BRCA2: variants seen among roughly 807,000 people sequenced by gnomAD.
The protein encoded by BRCA2 is BRCA2 DNA repair associated.
Under a neutral mutation model 276.7 loss-of-function variants are expected in BRCA2, and 203 were observed. The ratio of observed to expected loss-of-function variants is 0.73; its 90% CI spans 0.65 to 0.82. BRCA2 has a LOEUF of 0.82. BRCA2 is among the 40% of genes least tolerant of loss of function. The pLI is 0.00. For missense variants in BRCA2, 3,920 were observed against 3,915.0 expected (o/e 1.00, Z -0.03); for synonymous variants, 1,289 against 1,338.4 (o/e 0.96, Z 0.81).
Position 32,340,960 on chromosome 13 carries a change from A to T in BRCA2, c.6605A>T (p.Asp2202Val), listed in dbSNP as rs2137528989. 6.2e-7 allele frequency: 1 copy of T among 1,609,034 alleles called. No individual in the cohort carries two copies. The highest frequency in any genetic ancestry group is 8.5e-7 in the Non-Finnish European group (1 of 1,178,790). Residue 2202 changes from aspartate to valine, a missense_variant, in exon 11 of 27, where the codon GAT becomes GTT. Physicochemically the swap from Asp to Val is radical, Grantham distance 152. Coordinates refer to ENST00000380152, the MANE Select transcript of BRCA2 (RefSeq NM_000059.4). ...MEIGKTETFS[D>V]VPVKTNIEVC... ...ATTGGTAAAACTGAAACTTTTTCTGATGTTCCTGTGAAAACAAATATAGAA... is the reference window on the plus strand; with the variant it reads ...ATTGGTAAAACTGAAACTTTTTCTGTTGTTCCTGTGAAAACAAATATAGAA...
rs794727014 is a variant in BRCA2 at position 32,340,077 on chromosome 13, CTAGAT to C, written c.5723_5727del (p.Leu1908GlnfsTer2). ...TTCAGAGGATATTCTTCATAACTCT[CTAGAT>C]AATGATGAATGTAGCACGCATTCAC... On this transcript the variant is annotated frameshift_variant, in exon 11 of 27. Coordinates refer to ENST00000380152, the MANE Select transcript of BRCA2 (RefSeq NM_000059.4). LOFTEE classifies it high-confidence loss of function. The C allele has an allele frequency of 6.2e-7, 1 of 1,613,806 alleles. No individual in the cohort carries two copies.
intron 18 of BRCA2, 144 bp from the exon 19 acceptor site, chr13:32,370,258 T>C (rs1185072243): frequency 5.5e-6 from 4 of 732,100 alleles, no homozygotes; most frequent in East Asian, 2.7e-5. Context: ...TTTTTACTTA[T>C]TTACTGTCTT....
chr13:32,397,110 G>C (rs2137660246), intron 26 of BRCA2, 66 bp downstream of exon 26: 1 of 1,500,316 alleles, frequency 6.7e-7, no homozygotes, highest in Non-Finnish European at 9.2e-7. Context: ...ATATTCTGTT[G>C]TATACCTAGT....
At chr13:32,348,529 G>A (rs533917487) in intron 13 of BRCA2, among the ~76,000 whole-genome samples, 1 of 152,240 alleles carries the variant, frequency 6.6e-6, no homozygotes, top group South Asian at 2.1e-4. Flanking sequence ...GAAGACTGTA[G>A]ATCTTATATA....
chr13:32,339,893 A>G lies in BRCA2; in HGVS notation c.5538A>G (p.Ile1846Met), dbSNP rs878853590. Residue 1846 changes from isoleucine to methionine, a missense_variant, in exon 11 of 27, where the codon ATA (isoleucine) becomes ATG (methionine). Ile to Met is a conservative substitution (Grantham distance 10). Around this residue, in one of 2 missense-constraint regions of BRCA2, gnomAD observed 3,263 missense variants for 3,156.9 expected, o/e 1.03. Transcript: ENST00000380152. ...AGGTAGGGCCACCTGCATTTAGGATAGCCAGTGGTAAAATCGTTTGTGTTT... is the reference window on the plus strand; with the variant it reads ...AGGTAGGGCCACCTGCATTTAGGATGGCCAGTGGTAAAATCGTTTGTGTTT... ...NFEVGPPAFR[I>M]ASGKIVCVSH... 2 of 1,610,216 alleles carry G rather than the reference A, an allele frequency of 1.2e-6. No individual in the cohort carries two copies. Among genetic ancestry groups the G allele is most frequent in the Non-Finnish European group, 1.7e-6 (2 of 1,177,834 alleles).
intron 26 of BRCA2, among the ~76,000 whole-genome samples, chr13:32,397,823 C>T (rs2073046470): frequency 1.3e-5 from 2 of 152,144 alleles, no homozygotes; most frequent in Admixed American, 1.3e-4. Context: ...TGTGTGTTCT[C>T]AAGATGGCTT....
rs1057522181 is a variant in BRCA2, at chr13:32,330,910, T to C, written c.682-9T>C. On this transcript the variant is annotated splice_polypyrimidine_tract_variant and intron_variant, in intron 8 of 26. Transcript: ENST00000380152. ...TTATACTAGTGATTTTAAACTATAA[T>C]TTTTGCAGAATGTGAAAAGCTATTT... 2 of 1,541,554 alleles carry C rather than the reference T, an allele frequency of 1.3e-6. No homozygotes were observed. Among genetic ancestry groups the C allele is most frequent in the Non-Finnish European group, 1.8e-6 (2 of 1,115,172 alleles).
At position 32,398,616 on chromosome 13, in the gene BRCA2, C is replaced by T. The variant is rs2137666631; in HGVS notation, c.10103C>T (p.Ser3368Phe). The T allele has an allele frequency of 6.2e-7, 1 of 1,613,928 alleles. No individual in the cohort carries two copies. Among genetic ancestry groups the T allele is most frequent in the Non-Finnish European group, 8.5e-7 (1 of 1,179,808 alleles). The change falls in exon 27 of 27, where the codon TCC becomes TTC. Residue 3368 changes from serine (S) to phenylalanine (F), a missense_variant. Transcript: ENST00000380152. ...GEKQFISVSE[S>F]TRTAPTSSED... ...AAACAATTTATATCTGTCAGTGAATCCACTAGGACTGCTCCCACCAGTTCA... is the reference window on the plus strand; with the variant it reads ...AAACAATTTATATCTGTCAGTGAATTCACTAGGACTGCTCCCACCAGTTCA...
chr13:32,315,545 G>T lies in BRCA2; in HGVS notation c.-162G>T, dbSNP rs567110692. The T allele has an allele frequency of 1.3e-5, 2 of 152,330 alleles. No homozygotes were observed. The highest frequency in any genetic ancestry group is 2.9e-5 in the Non-Finnish European group (2 of 68,094). The allele number at this position is 152,330 out of a possible 1,614,324, so 9.4% of individuals were successfully genotyped here. A position where few individuals can be genotyped will look rare whatever the true frequency, so the allele number is the denominator to read the frequency against. ...GCTGTGGCACTGCTGCGCCTCTGCT[G>T]CGCCTCGGGTGTCTTTTGCGGCGGT... On this transcript the variant is annotated 5_prime_UTR_variant, in exon 1 of 27. Transcript: ENST00000380152.
rs2137556981 is a variant in BRCA2 at position 32,355,070 on chromosome 13, TTG to T, written c.7219_7220del (p.Val2407SerfsTer4). ...ACTACAGGCAGACCAACCAAAGTCTTTGTTCCACCTTTTAAAACTAAATCACA... is the reference window on the plus strand; with the variant it reads ...ACTACAGGCAGACCAACCAAAGTCTTTTCCACCTTTTAAAACTAAATCACA... On this transcript the variant is annotated frameshift_variant, in exon 14 of 27. Coordinates refer to ENST00000380152, the MANE Select transcript of BRCA2 (RefSeq NM_000059.4). LOFTEE classifies it high-confidence loss of function. 6.2e-7 allele frequency: 1 copy of T among 1,614,006 alleles called. No homozygotes were observed.
rs41293469 is a variant in BRCA2, at chr13:32,326,502, C to T, written c.520C>T (p.Arg174Cys). Residue 174 changes from arginine to cysteine, a missense_variant, in exon 7 of 27, where the codon CGT becomes TGT. This residue lies in a region of BRCA2 where 3,263 missense variants were observed against 3,156.9 expected (regional missense o/e 1.03). Coordinates refer to ENST00000380152, the MANE Select transcript of BRCA2 (RefSeq NM_000059.4). The stretch of plus-strand genomic sequence containing the variant: ...AAACTATTTTCTTTCCTCCCAGGGT[C>T]GTCAGACACCAAAACATATTTCTGA... ...LFHTPKFVKG[R>C]QTPKHISESL... 5 of 1,606,008 alleles carry T rather than the reference C, an allele frequency of 3.1e-6. No homozygotes were observed. Among genetic ancestry groups the T allele is most frequent in the Non-Finnish European group, 4.3e-6 (5 of 1,172,656 alleles).
At position 32,379,778 on chromosome 13, in the gene BRCA2, A is replaced by T. The variant is rs1060504623; in HGVS notation, c.8982A>T (p.Ser2994=). The part of the protein sequence containing the change: ...SVILSIWRPS[S]DLYSLLTEGK... ...TACTGAGTATTTGGCGTCCATCATC[A>T]GATTTATATTCTCTGTTAACAGAAG... Residue 2994 remains serine, a synonymous_variant, in exon 23 of 27, where the codon TCA becomes TCT. Coordinates refer to ENST00000380152, the MANE Select transcript of BRCA2 (RefSeq NM_000059.4). 1 of 1,612,748 alleles carries T rather than the reference A, an allele frequency of 6.2e-7. No homozygotes were observed. The highest frequency in any genetic ancestry group is 1.7e-5 in the Admixed American group (1 of 60,012).
At chr13:32,344,297 C>T (rs1332027560) in intron 11 of BRCA2, among the ~76,000 whole-genome samples, 1 of 151,950 alleles carries the variant, frequency 6.6e-6, no homozygotes, top group Non-Finnish European at 1.5e-5. Context: ...CTGGTAGCAT[C>T]TGTTTATCCT....
intron 4 of BRCA2, among the ~76,000 whole-genome samples, chr13:32,325,871 C>T (rs1232563009): frequency 6.6e-6 from 1 of 152,144 alleles, no homozygotes; most frequent in African/African-American, 2.4e-5. Context: ...TTAAAATACA[C>T]GGTTTCCAGC....
rs1259849119 is a variant in BRCA2 at position 32,315,524 on chromosome 13, T to C, written c.-183T>C. The C allele has an allele frequency of 6.6e-6, 1 of 152,264 alleles. No individual in the cohort carries two copies. The highest frequency in any genetic ancestry group is 2.4e-5 in the African/African-American group (1 of 41,454). 9.4% of individuals were successfully genotyped at this position (152,264 alleles called of 1,614,324 possible). Reference sequence around the variant, plus strand: ...CTAGGCGGCAGAGGCGGAGCCGCTGTGGCACTGCTGCGCCTCTGCTGCGCC... The same window carrying C: ...CTAGGCGGCAGAGGCGGAGCCGCTGCGGCACTGCTGCGCCTCTGCTGCGCC... On this transcript the variant is annotated 5_prime_UTR_variant, in exon 1 of 27. Coordinates refer to ENST00000380152, the MANE Select transcript of BRCA2 (RefSeq NM_000059.4).
At chr13:32,397,709 A>T (rs1029200896) in intron 26 of BRCA2, among the ~76,000 whole-genome samples, 1 of 152,142 alleles carries the variant, frequency 6.6e-6, no homozygotes, top group Non-Finnish European at 1.5e-5. Flanking sequence ...ACTTGACTCT[A>T]TTATCCTGAT....
At chr13:32,366,151 A>G (rs1462666762) in intron 18 of BRCA2, among the ~76,000 whole-genome samples, 1 of 152,230 alleles carries the variant, frequency 6.6e-6, no homozygotes, top group African/African-American at 2.4e-5. Flanking sequence ...TGTGTTTTCA[A>G]TTAGAGCATA....
At chr13:32,365,437 A>G (rs907679431) in intron 18 of BRCA2, among the ~76,000 whole-genome samples, 6 of 151,938 alleles carry the variant, frequency 3.9e-5, no homozygotes, top group African/African-American at 1.2e-4. Flanking sequence ...CTGGAGTGCA[A>G]TGGCGTGACC....
At chr13:32,368,904 A>T (rs2072807856) in intron 18 of BRCA2, among the ~76,000 whole-genome samples, 1 of 149,118 alleles carries the variant, frequency 6.7e-6, no homozygotes, top group Non-Finnish European at 1.5e-5. Flanking sequence ...TCCACCTCCC[A>T]GGTTCGAGGA....
Sources: gnomAD v4.1 joint callset for allele counts (sites outside exome capture counted in the v4.1 genomes callset) on GRCh38, gnomAD v4.1.1 for gene constraint, gnomAD v4.1.1 regional missense constraint, MANE v1.5 for transcripts, NCBI Gene and HGNC (gene_info 2026-07-23, HGNC 2026-07-21) for gene names.